Variants in MCM8 observed in about 807,000 individuals in gnomAD.
MCM8 encodes minichromosome maintenance 8 homologous recombination repair factor.
A neutral mutation model predicts 98.9 loss-of-function variants in MCM8; 85 were observed. That is an observed-to-expected ratio of 0.86 (90% confidence interval 0.72 to 1.03). The LOEUF is 1.03. Ranked by LOEUF, MCM8 falls within the 50% of genes least tolerant of loss-of-function variation. The probability of loss-of-function intolerance (pLI) is 0.00; values close to 1 mark genes in which losing one functional copy is unlikely to be tolerated. For missense variants in MCM8, 951 were observed against 997.8 expected (o/e 0.95, Z 0.63); for synonymous variants, 352 against 338.6 (o/e 1.04, Z -0.44).
chr20:5,959,693 T>G (rs1448385577), intron 7 of MCM8, among the ~76,000 whole-genome samples: 1 of 69,858 alleles, frequency 1.4e-5, no homozygotes, highest in Non-Finnish European at 2.3e-5. Flanking sequence ...GGCTGTACTT[T>G]TTTTTTTTTT....
At chr20:5,966,877 T>G (rs888466585) in intron 8 of MCM8, among the ~76,000 whole-genome samples, 1 of 152,212 alleles carries the variant, frequency 6.6e-6, no homozygotes, top group African/African-American at 2.4e-5. Flanking sequence ...TTTTGCCAGA[T>G]GATAAAGTAC....
chr20:5,956,251 TTGTC>T (rs942050942), intron 5 of MCM8, among the ~76,000 whole-genome samples: 10 of 152,134 alleles, frequency 6.6e-5, no homozygotes, highest in African/African-American at 2.2e-4. Context: ...CCTAGCTCAG[TTGTC>T]TGTCTGTAAA....
chr20:5,987,250 T>C lies in MCM8; in HGVS notation c.2164-32T>C. 2.5e-6 allele frequency: 4 copies of C among 1,591,560 alleles called. No individual in the cohort carries two copies. In the South Asian group the frequency reaches 3.4e-5, roughly 13 times the overall value. On this transcript the variant is annotated intron_variant, in intron 16 of 18. Coordinates refer to ENST00000610722, the MANE Select transcript of MCM8 (RefSeq NM_032485.6). ...ATACTATGGTAAATATATTCATCTT[T>C]CGTCATCTGAAAATGGTGTTTTCTT...
chr20:5,956,153 G>T lies in MCM8; in HGVS notation c.486+902G>T, dbSNP rs555845662. Among the ~76,000 whole-genome samples, 9 of 152,170 alleles carry T rather than the reference G, an allele frequency of 5.9e-5. No individual in the cohort carries two copies. In the South Asian group the frequency reaches 1.9e-3, roughly 32 times the overall value. On this transcript the variant is annotated intron_variant, in intron 5 of 18. Transcript: ENST00000610722. ...GGACAGGCATACACAAAGTGCTGGG[G>T]CATTCAGAGGGGCATTCTTCTACCT...
Position 5,955,254 on chromosome 20 carries a change from A to G in MCM8, c.486+3A>G. ...GCATGGGTTTGGCAATACATCAGGTAACTATTTGTCTTATGCATACTTTTG... is the reference window on the plus strand; with the variant it reads ...GCATGGGTTTGGCAATACATCAGGTGACTATTTGTCTTATGCATACTTTTG... On this transcript the variant is annotated splice_donor_region_variant and intron_variant, in intron 5 of 18. Transcript: ENST00000610722. 1 of 1,611,466 alleles carries G rather than the reference A, an allele frequency of 6.2e-7. No homozygotes were observed. Among genetic ancestry groups the G allele is most frequent in the Non-Finnish European group, 8.5e-7 (1 of 1,179,176 alleles).
chr20:5,988,621 A>G (rs146401756), intron 17 of MCM8, among the ~76,000 whole-genome samples: 5 of 152,338 alleles, frequency 3.3e-5, no homozygotes, highest in African/African-American at 7.2e-5. Context: ...AACTATAACA[A>G]CATACCATAT....
intron 6 of MCM8, 152 bp from the exon 7 acceptor site, chr20:5,958,376 A>C (rs2089043200): frequency 1.5e-6 from 1 of 671,812 alleles, no homozygotes; most frequent in African/African-American, 1.8e-5. Context: ...TCAAGAAAAC[A>C]AAACACAACA....
chr20:5,964,308 G>A (rs1295169530), intron 8 of MCM8, among the ~76,000 whole-genome samples: 1 of 151,938 alleles, frequency 6.6e-6, no homozygotes, highest in Non-Finnish European at 1.5e-5. Flanking sequence ...AAGAACCTAG[G>A]GAAAAGATAA....
Position 5,979,051 on chromosome 20 carries a change from G to A in MCM8, c.1537+1034G>A, listed in dbSNP as rs148563363. On this transcript the variant is annotated intron_variant, in intron 13 of 18. Transcript: ENST00000610722. ...ATTGGGAAAACATGTTTCCATGCATGTGTCAGGCAGTGTCCAGATTCCAGT... is the reference window on the plus strand; with the variant it reads ...ATTGGGAAAACATGTTTCCATGCATATGTCAGGCAGTGTCCAGATTCCAGT... Among the ~76,000 whole-genome samples the A allele has an allele frequency of 3.0e-3, 462 of 152,290 alleles. 1 individual carries two copies. Among genetic ancestry groups the A allele is most frequent in the Non-Finnish European group, 4.7e-3 (322 of 68,026 alleles).
At chr20:5,968,352 C>G (rs2089324138) in intron 10 of MCM8, among the ~76,000 whole-genome samples, 1 of 152,186 alleles carries the variant, frequency 6.6e-6, no homozygotes, top group East Asian at 1.9e-4. Flanking sequence ...CGAGACCAGC[C>G]TGGCCAACAT....
In MCM8 at chr20:5,950,977, G is replaced by T. The variant is rs1200786813; in HGVS notation, c.-52G>T. ...ACAGATCTGCGCGTATCCTGGAGCCGGCCCAGTTGTGAACTAGGAGAGCTT... is the reference window on the plus strand; with the variant it reads ...ACAGATCTGCGCGTATCCTGGAGCCTGCCCAGTTGTGAACTAGGAGAGCTT... On this transcript the variant is annotated 5_prime_UTR_variant, in exon 1 of 19. Coordinates refer to ENST00000610722, the MANE Select transcript of MCM8 (RefSeq NM_032485.6). The T allele has an allele frequency of 6.6e-6, 1 of 152,216 alleles. No individual in the cohort carries two copies. Among genetic ancestry groups the T allele is most frequent in the African/African-American group, 2.4e-5 (1 of 41,420 alleles). 9.4% of individuals were successfully genotyped at this position (152,216 alleles called of 1,614,324 possible). A position where few individuals can be genotyped will look rare whatever the true frequency, so the allele number is the denominator to read the frequency against.
chr20:5,983,636 G>T (rs1033929697), intron 14 of MCM8, among the ~76,000 whole-genome samples: 5 of 152,090 alleles, frequency 3.3e-5, no homozygotes, highest in African/African-American at 1.2e-4. Context: ...GGAGGTGGAG[G>T]TTGCAGTGAG....
At chr20:5,986,376 A>G (rs1196460159) in intron 16 of MCM8, among the ~76,000 whole-genome samples, 1 of 152,168 alleles carries the variant, frequency 6.6e-6, no homozygotes, top group Non-Finnish European at 1.5e-5. Context: ...TTTTTCTTTG[A>G]CTGACTCTTA....
Position 5,993,589 on chromosome 20 carries a change from C to T in MCM8, c.2324C>T (p.Thr775Ile), listed in dbSNP as rs1223252735. 1 of 1,612,390 alleles carries T rather than the reference C, an allele frequency of 6.2e-7. No homozygotes were observed. Among genetic ancestry groups the T allele is most frequent in the East Asian group, 2.2e-5 (1 of 44,886 alleles). The part of the protein sequence containing the change: ...QHGSGMSNRS[T>I]AKRFISALNN... ...GGTTCTGGAATGAGCAACAGGTCAA[C>T]AGCGAAAAGATTTATTTCTGCTCTC... The change falls in exon 18 of 19, where the codon ACA becomes ATA. Residue 775 changes from threonine (T) to isoleucine (I), a missense_variant. By Grantham distance (89) the Thr-to-Ile change is moderately conservative. Coordinates refer to ENST00000610722, the MANE Select transcript of MCM8 (RefSeq NM_032485.6).
At position 5,967,870 on chromosome 20, in the gene MCM8, T is replaced by C; in HGVS notation, c.1068T>C (p.Tyr356=). 1.2e-6 allele frequency: 2 copies of C among 1,613,370 alleles called. No homozygotes were observed. The highest frequency in any genetic ancestry group is 1.7e-6 in the Non-Finnish European group (2 of 1,179,666). The change falls in exon 10 of 19, where the codon TAT becomes TAC. Residue 356 remains tyrosine (Y), a synonymous_variant. Transcript: ENST00000610722. The part of the protein sequence containing the change: ...NKNDKCMFLL[Y]IEANSISNSK... ...ATGACAAGTGTATGTTCCTTTTGTA[T>C]ATTGAAGCAAATTCTATTAGTAATA...
intron 14 of MCM8, among the ~76,000 whole-genome samples, chr20:5,983,373 A>C (rs954738633): frequency 6.6e-6 from 1 of 152,218 alleles, no homozygotes; most frequent in African/African-American, 2.4e-5. Context: ...AAACATTTTA[A>C]ATATTAATCA....
Position 5,984,838 on chromosome 20 carries a change from A to C in MCM8, c.1791A>C (p.Pro597=). 6.2e-7 allele frequency: 1 copy of C among 1,614,172 alleles called. No homozygotes were observed. Among genetic ancestry groups the C allele is most frequent in the Non-Finnish European group, 8.5e-7 (1 of 1,179,990 alleles). The part of the protein sequence containing the change: ...FDLVFILLDT[P]NEHHDHLLSE... The stretch of plus-strand genomic sequence containing the variant: ...TGGTCTTTATCCTGTTAGATACTCC[A>C]AATGAGCATCATGATCACTTACTCT... The change falls in exon 15 of 19, where the codon CCA becomes CCC. Residue 597 remains proline, a synonymous_variant. Transcript: ENST00000610722.
chr20:5,986,038 A>T lies in MCM8; in HGVS notation c.2070A>T (p.Gln690His). The T allele has an allele frequency of 6.2e-7, 1 of 1,614,208 alleles. No homozygotes were observed. The highest frequency in any genetic ancestry group is 8.5e-7 in the Non-Finnish European group (1 of 1,180,040). The change falls in exon 16 of 19, where the codon CAA becomes CAT. Residue 690 changes from glutamine (Q) to histidine (H), a missense_variant. Physicochemically the swap from Gln to His is conservative, Grantham distance 24 (BLOSUM62 0). Coordinates refer to ENST00000610722, the MANE Select transcript of MCM8 (RefSeq NM_032485.6). ...RLSTEAARVL[Q>H]DFYLELRKQS... ...CCACAGAAGCTGCTCGAGTTCTTCA[A>T]GATTTTTACCTTGAGCTCCGGAAAC...
At chr20:5,952,342 A>G in intron 2 of MCM8, 82 bp from the exon 3 acceptor site, 2 of 1,573,388 alleles carry the variant, frequency 1.3e-6, no homozygotes, top group Non-Finnish European at 1.7e-6. Flanking sequence ...TACTCTATTA[A>G]TGAGAGTCTC....
Sources: gnomAD v4.1 joint callset for allele counts (sites outside exome capture counted in the v4.1 genomes callset) on GRCh38, gnomAD v4.1.1 for gene constraint, MANE v1.5 for transcripts, NCBI Gene and HGNC (gene_info 2026-07-23, HGNC 2026-07-21) for gene names.